Variants in KCNB2 observed in about 807,000 individuals in gnomAD.
KCNB2 encodes delayed rectifier potassium channel protein.
In KCNB2, 15 loss-of-function variants were observed where a neutral mutation model predicts 61.5. The ratio of observed to expected loss-of-function variants is 0.24; its 90% CI spans 0.16 to 0.38. KCNB2 has a LOEUF of 0.38. Ranked by LOEUF, KCNB2 falls within the 10% of genes least tolerant of loss-of-function variation. KCNB2 has a pLI of 1.00. For missense variants in KCNB2, 828 were observed against 1,125.2 expected, an observed-to-expected ratio of 0.74 and a Z score of 3.78; for synonymous variants, 457 against 446.0, an observed-to-expected ratio of 1.02 and a Z score of -0.31.
At chr8:72,906,058 A>G (rs1806171646) in intron 2 of KCNB2, among the ~76,000 whole-genome samples, 1 of 152,184 alleles carries the variant, frequency 6.6e-6, no homozygotes, top group African/African-American at 2.4e-5. Flanking sequence ...ATTTTTGTTA[A>G]TTTGTCAAGC....
intron 2 of KCNB2, among the ~76,000 whole-genome samples, chr8:72,572,547 CCTCT>C (rs1319395767): frequency 6.6e-6 from 1 of 151,348 alleles, no homozygotes; most frequent in Non-Finnish European, 1.5e-5. Context: ...CCCCGCTCCT[CCTCT>C]CTCTCTCAGG....
intron 2 of KCNB2, among the ~76,000 whole-genome samples, chr8:72,725,320 C>T (rs1427701856): frequency 6.6e-6 from 1 of 151,480 alleles, no homozygotes; most frequent in Non-Finnish European, 1.5e-5. Flanking sequence ...GGAGCCAGCA[C>T]ATTGATTACT....
At position 72,696,909 on chromosome 8, in the gene KCNB2, G is replaced by C. The variant is rs187183190; in HGVS notation, c.579+128596G>C. On this transcript the variant is annotated intron_variant, in intron 2 of 2. Transcript: ENST00000523207. Reference sequence around the variant, plus strand: ...AATGGCTCTGTGTAATTAATTTGTTGTTTTTCAAGATCACTTCTGCATTCT... The same window carrying C: ...AATGGCTCTGTGTAATTAATTTGTTCTTTTTCAAGATCACTTCTGCATTCT... Among the ~76,000 whole-genome samples the C allele has an allele frequency of 1.1e-3, 160 of 152,202 alleles. 1 individual carries two copies. The highest frequency in any genetic ancestry group is 3.7e-3 in the African/African-American group (152 of 41,528).
chr8:72,706,894 A>G (rs1807234496), intron 2 of KCNB2, among the ~76,000 whole-genome samples: 1 of 152,166 alleles, frequency 6.6e-6, no homozygotes, highest in African/African-American at 2.4e-5. Context: ...TCTGTTTGTT[A>G]AGGGTTTGTG....
At chr8:72,603,498 A>G (rs1805395210) in intron 2 of KCNB2, among the ~76,000 whole-genome samples, 1 of 151,936 alleles carries the variant, frequency 6.6e-6, no homozygotes, top group Admixed American at 6.6e-5. Flanking sequence ...CCTGCCTTGC[A>G]CTCCCATAAC....
intron 2 of KCNB2, among the ~76,000 whole-genome samples, chr8:72,717,485 A>G (rs1383158727): frequency 6.6e-6 from 1 of 152,212 alleles, no homozygotes; most frequent in Non-Finnish European, 1.5e-5. Context: ...ATGGAACAGA[A>G]CAGAGCCCTC....
chr8:72,778,084 T>C (rs1808685912), intron 2 of KCNB2, among the ~76,000 whole-genome samples: 1 of 152,228 alleles, frequency 6.6e-6, no homozygotes, highest in South Asian at 2.1e-4. Context: ...AAAAATGAAT[T>C]GTCTAAAATA....
At chr8:72,812,446 C>T (rs1416522776) in intron 2 of KCNB2, among the ~76,000 whole-genome samples, 1 of 152,098 alleles carries the variant, frequency 6.6e-6, no homozygotes, top group African/African-American at 2.4e-5. Context: ...TCATTTGTAA[C>T]AGCAGGAATA....
chr8:72,734,432 G>A (rs1337050393), intron 2 of KCNB2, among the ~76,000 whole-genome samples: 1 of 152,130 alleles, frequency 6.6e-6, no homozygotes, highest in Non-Finnish European at 1.5e-5. Context: ...ACAAACTGTT[G>A]GATATAAAGG....
At chr8:72,600,026 T>A (rs1419341982) in intron 2 of KCNB2, among the ~76,000 whole-genome samples, 1 of 152,184 alleles carries the variant, frequency 6.6e-6, no homozygotes, top group Non-Finnish European at 1.5e-5. Context: ...ATTGTGGAAG[T>A]CAGTGTGGTG....
intron 2 of KCNB2, among the ~76,000 whole-genome samples, chr8:72,848,041 T>C (rs1810028916): frequency 6.6e-6 from 1 of 152,232 alleles, no homozygotes; most frequent in African/African-American, 2.4e-5. Flanking sequence ...TCACTTTCTG[T>C]TATTTCATGT....
intron 2 of KCNB2, among the ~76,000 whole-genome samples, chr8:72,812,019 T>A (rs112097647): frequency 0.022 from 3,363 of 152,224 alleles, 68 homozygotes; most frequent in African/African-American, 0.054. Context: ...CCCAGCACTT[T>A]GGGAGGGCAA....
intron 2 of KCNB2, among the ~76,000 whole-genome samples, chr8:72,840,390 T>C (rs1425790105): frequency 6.6e-6 from 1 of 152,224 alleles, no homozygotes; most frequent in East Asian, 1.9e-4. Context: ...TGTGTCTTTA[T>C]AGTAGAATGA....
At chr8:72,712,985 C>T (rs921780132) in intron 2 of KCNB2, among the ~76,000 whole-genome samples, 2 of 152,238 alleles carry the variant, frequency 1.3e-5, no homozygotes, top group Admixed American at 6.5e-5. Flanking sequence ...TTCCAACGGG[C>T]TTAACAAATG....
Position 72,937,253 on chromosome 8 carries a change from T to G in KCNB2, c.1898T>G (p.Phe633Cys), listed in dbSNP as rs751917729. 1 of 1,613,908 alleles carries G rather than the reference T, an allele frequency of 6.2e-7. No homozygotes were observed. Among genetic ancestry groups the G allele is most frequent in the Non-Finnish European group, 8.5e-7 (1 of 1,179,988 alleles). Reference protein sequence around the residue: ...PPSASHLQMKFPTDLPGTEEH... With the variant: ...PPSASHLQMKCPTDLPGTEEH... ...TCCGCCTCTCACTTGCAGATGAAGTTCCCAACCGACCTCCCAGGGACAGAA... is the reference window on the plus strand; with the variant it reads ...TCCGCCTCTCACTTGCAGATGAAGTGCCCAACCGACCTCCCAGGGACAGAA... The change falls in exon 3 of 3, where the codon TTC becomes TGC. Residue 633 changes from phenylalanine (F) to cysteine (C), a missense_variant. By Grantham distance (205) the Phe-to-Cys change is radical. Transcript: ENST00000523207.
rs7828902 is a variant in KCNB2, at chr8:72,873,444, T to C, written c.580-62491T>C. Among the ~76,000 whole-genome samples, 1,289 of 152,308 alleles carry C rather than the reference T, an allele frequency of 8.5e-3. 16 individuals carry two copies. The highest frequency in any genetic ancestry group is 0.029 in the African/African-American group (1,219 of 41,562). On this transcript the variant is annotated intron_variant, in intron 2 of 2. Transcript: ENST00000523207. ...TTAAAAACAGCAATAGAAAACCTCT[T>C]TAAGTTTGGGATTTTTCATAATTAG... is the stretch of plus-strand genomic sequence containing the variant.
intron 1 of KCNB2, among the ~76,000 whole-genome samples, chr8:72,566,360 G>C (rs962889189): frequency 6.6e-6 from 1 of 152,160 alleles, no homozygotes; most frequent in African/African-American, 2.4e-5. Context: ...ATGGTTTTTA[G>C]GTGGACAAAA....
chr8:72,802,778 A>G (rs1809153304), intron 2 of KCNB2, among the ~76,000 whole-genome samples: 1 of 152,168 alleles, frequency 6.6e-6, no homozygotes, highest in Non-Finnish European at 1.5e-5. Flanking sequence ...ATTCTCTGCC[A>G]TCCATTATGG....
chr8:72,615,706 T>G (rs903586256), intron 2 of KCNB2, among the ~76,000 whole-genome samples: 1 of 152,184 alleles, frequency 6.6e-6, no homozygotes, highest in African/African-American at 2.4e-5. Context: ...CTTTGATACC[T>G]CTACTGTACT....
Sources: allele counts gnomAD v4.1 joint callset (sites outside exome capture counted in the v4.1 genomes callset), GRCh38; gene constraint gnomAD v4.1.1; transcripts MANE v1.5; gene names NCBI Gene and HGNC (gene_info 2026-07-23, HGNC 2026-07-21).